The following AOPEP variants were observed in gnomAD, a reference collection of about 807,000 sequenced individuals.
AOPEP encodes the protein aminopeptidase O.
AOPEP carries 77 observed loss-of-function variants against 98.1 expected under a neutral mutation model. That is an observed-to-expected ratio of 0.78 (90% confidence interval 0.65 to 0.95). The LOEUF (loss-of-function observed/expected upper bound fraction) is 0.95. AOPEP is among the 40% of genes least tolerant of loss of function. AOPEP has a pLI of 0.00. For missense variants in AOPEP, 1,024 were observed against 1,024.7 expected (o/e 1.00, Z 0.01); for synonymous variants, 346 against 365.3 (o/e 0.95, Z 0.60).
At chr9:95,031,286 G>T (rs564095165) in intron 13 of AOPEP, among the ~76,000 whole-genome samples, 2 of 152,154 alleles carry the variant, frequency 1.3e-5, no homozygotes, top group African/African-American at 2.4e-5. Flanking sequence ...TCAGTGCGTC[G>T]GTCTGTCTTT....
At chr9:95,089,945 C>T (rs183827713), downstream of AOPEP, among the ~76,000 whole-genome samples, 1 of 152,356 alleles carries the variant, frequency 6.6e-6, no homozygotes, top group East Asian at 1.9e-4. Flanking sequence ...CTGGAGGGTC[C>T]CCACAAGACA....
rs188503761 is a variant in AOPEP, at chr9:94,869,900, C to T, written c.1365-54086C>T. Among the ~76,000 whole-genome samples the T allele has an allele frequency of 6.3e-4, 96 of 151,270 alleles. 1 individual carries two copies. Among genetic ancestry groups the T allele is most frequent in the African/African-American group, 2.1e-3 (88 of 41,172 alleles). ...GTGGCATTATCAAATTGATTTCTCC[C>T]CTAATAGGAAAGATGGAACATGATT... On this transcript the variant is annotated intron_variant, in intron 5 of 16. Coordinates refer to ENST00000375315, the MANE Select transcript of AOPEP (RefSeq NM_001193329.3).
intron 5 of AOPEP, among the ~76,000 whole-genome samples, chr9:94,859,054 G>A (rs965771751): frequency 6.7e-5 from 10 of 149,978 alleles, no homozygotes; most frequent in Admixed American, 2.0e-4. Flanking sequence ...TGGAAGTGGA[G>A]GTTGCAGTGA....
chr9:95,127,468 A>T, the AOPEP span: 1 of 152,094 alleles, frequency 6.6e-6, no homozygotes, highest in Non-Finnish European at 1.5e-5. Context: ...ATCAGAGGAC[A>T]ACCCGATTCC....
intron 13 of AOPEP, among the ~76,000 whole-genome samples, chr9:95,035,453 TATTAGTG>T (rs1259904626): frequency 1.3e-5 from 2 of 151,982 alleles, no homozygotes; most frequent in Non-Finnish European, 2.9e-5. Context: ...ATTTCCTTTG[TATTAGTG>T]ATTTGCTGTT....
intron 5 of AOPEP, among the ~76,000 whole-genome samples, chr9:94,883,914 C>T (rs2047883789): frequency 6.6e-6 from 1 of 152,126 alleles, no homozygotes; most frequent in South Asian, 2.1e-4. Flanking sequence ...ATTGTGGGAC[C>T]TCCATCCCCG....
rs547194868 is a variant in AOPEP at position 94,747,077 on chromosome 9, G to A, written c.-135-12572G>A. Among the ~76,000 whole-genome samples the A allele has an allele frequency of 7.1e-3, 1,048 of 147,470 alleles. 4 individuals are homozygous for A. The highest frequency in any genetic ancestry group is 0.012 in the Non-Finnish European group (796 of 67,296). Reference sequence around the variant, plus strand: ...TTTTTTGAATATACATATCACAATAGAGTCTTTCATTACATGATCACAAAT... The same window carrying A: ...TTTTTTGAATATACATATCACAATAAAGTCTTTCATTACATGATCACAAAT... On this transcript the variant is annotated intron_variant, in intron 1 of 16. Coordinates refer to ENST00000375315, the MANE Select transcript of AOPEP (RefSeq NM_001193329.3).
At chr9:94,729,090 G>C (rs558198236) in intron 1 of AOPEP, among the ~76,000 whole-genome samples, 64 of 152,312 alleles carry the variant, frequency 4.2e-4, no homozygotes, top group African/African-American at 1.5e-3. Context: ...TCTAGAGTCA[G>C]ATATTCTTGT....
chr9:94,820,440 G>A (rs1449641085), intron 5 of AOPEP, among the ~76,000 whole-genome samples: 2 of 152,068 alleles, frequency 1.3e-5, no homozygotes, highest in African/African-American at 4.8e-5. Flanking sequence ...TTTACACTGT[G>A]CTTTTGTCAA....
chr9:94,730,149 T>C (rs1184998430), intron 1 of AOPEP, among the ~76,000 whole-genome samples: 1 of 152,064 alleles, frequency 6.6e-6, no homozygotes, highest in Non-Finnish European at 1.5e-5. Context: ...CTGGGCGTGG[T>C]GGCGGGCGCC....
intron 9 of AOPEP, among the ~76,000 whole-genome samples, chr9:94,965,217 T>G (rs920911740): frequency 1.4e-4 from 21 of 152,266 alleles, no homozygotes; most frequent in African/African-American, 5.1e-4. Context: ...ACTTCAGTTG[T>G]GAGGCATCAG....
At chr9:94,949,088 G>T (rs1455241340) in intron 7 of AOPEP, among the ~76,000 whole-genome samples, 2 of 152,210 alleles carry the variant, frequency 1.3e-5, no homozygotes, top group African/African-American at 4.8e-5. Flanking sequence ...TCTCTTTTGA[G>T]AATGTGTCTA....
intron 16 of AOPEP, chr9:95,085,641 G>C: frequency 2.7e-6 from 1 of 369,698 alleles, no homozygotes; most frequent in Non-Finnish European, 5.3e-6. Context: ...CGATCCTGGA[G>C]GATGAGAGAC....
At chr9:94,992,708 G>A (rs183986960) in intron 11 of AOPEP, among the ~76,000 whole-genome samples, 4 of 152,334 alleles carry the variant, frequency 2.6e-5, no homozygotes, top group Admixed American at 1.3e-4. Flanking sequence ...TGCCTCTTTG[G>A]GGGTAAGGGG....
chr9:95,067,761 C>T (rs1055164368), intron 14 of AOPEP, among the ~76,000 whole-genome samples: 23 of 152,196 alleles, frequency 1.5e-4, no homozygotes, highest in Non-Finnish European at 2.2e-4. Flanking sequence ...AATATATTCA[C>T]AGAGTTGTAC....
At chr9:95,086,226 G>C (rs1332529578) in intron 16 of AOPEP, 18 of 1,271,216 alleles carry the variant, frequency 1.4e-5, no homozygotes, top group Non-Finnish European at 1.6e-5. Flanking sequence ...CCAGTCATCT[G>C]CATGTGCTCC....
chr9:94,745,534 C>G (rs987620686), intron 1 of AOPEP, among the ~76,000 whole-genome samples: 2 of 152,080 alleles, frequency 1.3e-5, no homozygotes, highest in Non-Finnish European at 2.9e-5. Flanking sequence ...CTCAGCCTCC[C>G]AAAGTGCTGG....
chr9:94,735,144 A>T (rs990331318), intron 1 of AOPEP, among the ~76,000 whole-genome samples: 3 of 152,248 alleles, frequency 2.0e-5, no homozygotes, highest in Non-Finnish European at 2.9e-5. Flanking sequence ...GTTCAGAAAC[A>T]CTAGATACAT....
At chr9:94,773,442 A>G (rs1467341142) in intron 3 of AOPEP, among the ~76,000 whole-genome samples, 1 of 152,076 alleles carries the variant, frequency 6.6e-6, no homozygotes, top group Non-Finnish European at 1.5e-5. Flanking sequence ...GGCCATAAGT[A>G]GGTGGTCTTG....
Sources: gnomAD v4.1 joint callset for allele counts (sites outside exome capture counted in the v4.1 genomes callset) on GRCh38, gnomAD v4.1.1 for gene constraint, MANE v1.5 for transcripts, NCBI Gene and HGNC (gene_info 2026-07-23, HGNC 2026-07-21) for gene names.